Variants in ADGRL2 observed in about 807,000 individuals in gnomAD.
The protein encoded by ADGRL2 is calcium-independent alpha-latrotoxin receptor 2.
ADGRL2 carries 44 observed loss-of-function variants against 157.4 expected under a neutral mutation model. That is an observed-to-expected ratio of 0.28 (90% confidence interval 0.22 to 0.36). ADGRL2 has a LOEUF of 0.36. Ranked by LOEUF, ADGRL2 falls within the 10% of genes least tolerant of loss-of-function variation. The probability of loss-of-function intolerance (pLI) is 1.00; values close to 1 mark genes in which losing one functional copy is unlikely to be tolerated. For missense variants in ADGRL2, 1,510 were observed against 1,768.9 expected (o/e 0.85, Z 2.63); for synonymous variants, 585 against 624.7 (o/e 0.94, Z 0.95).
chr1:81,462,974 G>T (rs536944895), intron 2 of ADGRL2, among the ~76,000 whole-genome samples: 1 of 151,994 alleles, frequency 6.6e-6, no homozygotes, highest in African/African-American at 2.4e-5. Context: ...AATTAGCCCT[G>T]AGGGGTGGTG....
intron 3 of ADGRL2, among the ~76,000 whole-genome samples, chr1:81,591,371 T>C (rs1392139962): frequency 1.3e-5 from 2 of 152,162 alleles, no homozygotes; most frequent in African/African-American, 2.4e-5. Flanking sequence ...GAATTTAGCC[T>C]CCTTTAAAGT....
chr1:81,624,448 G>A (rs1244698364), intron 3 of ADGRL2, among the ~76,000 whole-genome samples: 1 of 152,026 alleles, frequency 6.6e-6, no homozygotes. Context: ...AGGCGTGGTG[G>A]CCCGCGCCTG....
intron 17 of ADGRL2, 134 bp downstream of exon 17, chr1:81,972,052 T>C (rs918057402): frequency 6.7e-6 from 3 of 446,206 alleles, no homozygotes; most frequent in Admixed American, 4.0e-5. Flanking sequence ...CACAGGATAA[T>C]AGTATATTTT....
At chr1:81,583,311 T>C (rs961384654) in intron 3 of ADGRL2, among the ~76,000 whole-genome samples, 1 of 152,214 alleles carries the variant, frequency 6.6e-6, no homozygotes, top group Non-Finnish European at 1.5e-5. Context: ...AAGATCTGAA[T>C]AAAGGTGGTA....
chr1:81,602,803 C>A (rs572443705), intron 3 of ADGRL2, among the ~76,000 whole-genome samples: 1 of 148,676 alleles, frequency 6.7e-6, no homozygotes, highest in Non-Finnish European at 1.5e-5. Context: ...GGGGCTGAGG[C>A]TTGAGAATTG....
At chr1:81,734,210 G>C (rs536578817) in intron 1 of ADGRL2, among the ~76,000 whole-genome samples, 27 of 149,518 alleles carry the variant, frequency 1.8e-4, no homozygotes, top group African/African-American at 6.4e-4. Context: ...CGGGGAGGTG[G>C]AGGTTGCAAT....
chr1:81,874,623 T>G (rs1310195455), intron 2 of ADGRL2, among the ~76,000 whole-genome samples: 1 of 109,920 alleles, frequency 9.1e-6, no homozygotes, highest in Non-Finnish European at 1.9e-5. Context: ...TCTTGTCTTG[T>G]CTTGTCTTGT....
chr1:81,939,902 A>G (rs1268743814), intron 4 of ADGRL2, among the ~76,000 whole-genome samples: 1 of 151,384 alleles, frequency 6.6e-6, no homozygotes, highest in East Asian at 1.9e-4. Context: ...TGATTCATTA[A>G]TCATCAAAGG....
At chr1:81,599,189 C>T (rs1392395945) in intron 3 of ADGRL2, among the ~76,000 whole-genome samples, 1 of 152,166 alleles carries the variant, frequency 6.6e-6, no homozygotes, top group Admixed American at 6.5e-5. Flanking sequence ...CCAAGTATGC[C>T]TTTCTGTCCT....
chr1:81,869,669 T>A (rs562109364), intron 2 of ADGRL2, among the ~76,000 whole-genome samples: 6 of 152,134 alleles, frequency 3.9e-5, no homozygotes, highest in South Asian at 4.2e-4. Flanking sequence ...TGAATGTCAG[T>A]CACATTGATC....
chr1:81,606,773 T>C (rs58623015), intron 3 of ADGRL2, among the ~76,000 whole-genome samples: 35,245 of 115,634 alleles, frequency 0.3, 4,343 homozygotes, highest in East Asian at 0.5. Flanking sequence ...TGTGTGTGTG[T>C]GCGCACGCGT....
chr1:81,552,605 GAAAA>G (rs35795177), intron 2 of ADGRL2, among the ~76,000 whole-genome samples: 5 of 103,980 alleles, frequency 4.8e-5, no homozygotes, highest in African/African-American at 1.1e-4. Context: ...ACTTTACTTA[GAAAA>G]AAAAAAAAAA....
chr1:81,969,042 C>A, intron 14 of ADGRL2, 136 bp from the exon 15 acceptor site: 1 of 642,412 alleles, frequency 1.6e-6, no homozygotes, highest in Non-Finnish European at 2.7e-6. Flanking sequence ...TGGTATTGAG[C>A]CTTTTTTGAA....
At chr1:81,376,845 G>A (rs890169616) in intron 1 of ADGRL2, among the ~76,000 whole-genome samples, 1 of 152,148 alleles carries the variant, frequency 6.6e-6, no homozygotes, top group Non-Finnish European at 1.5e-5. Context: ...AACACTAACA[G>A]CAGAGTGCAT....
chr1:81,640,000 AT>A (rs35392769), intron 3 of ADGRL2, among the ~76,000 whole-genome samples: 2 of 152,166 alleles, frequency 1.3e-5, no homozygotes, highest in Non-Finnish European at 2.9e-5. Context: ...TGGTCATTTG[AT>A]TTTAGTTGAT....
intron 2 of ADGRL2, among the ~76,000 whole-genome samples, chr1:81,851,992 T>A (rs1487893463): frequency 6.6e-6 from 1 of 151,966 alleles, no homozygotes; most frequent in South Asian, 2.1e-4. Context: ...AATTATTATA[T>A]TCTGTACAAT....
chr1:81,552,133 TC>T (rs1286324796), intron 2 of ADGRL2, among the ~76,000 whole-genome samples: 1 of 152,176 alleles, frequency 6.6e-6, no homozygotes, highest in Non-Finnish European at 1.5e-5. Context: ...AGGTTCAAAT[TC>T]CTCTGTTCAC....
At chr1:81,938,930 A>G (rs1572239986) in intron 4 of ADGRL2, among the ~76,000 whole-genome samples, 1 of 151,212 alleles carries the variant, frequency 6.6e-6, no homozygotes. Context: ...TCCTTGATTT[A>G]GTAGTGTTTT....
intron 2 of ADGRL2, among the ~76,000 whole-genome samples, chr1:81,539,429 C>T (rs945246432): frequency 2.6e-5 from 4 of 152,172 alleles, no homozygotes; most frequent in Non-Finnish European, 4.4e-5. Flanking sequence ...ATAACAATAT[C>T]ATCAAACATT....
Sources: allele counts gnomAD v4.1 joint callset (sites outside exome capture counted in the v4.1 genomes callset), GRCh38; gene constraint gnomAD v4.1.1; transcripts MANE v1.5; gene names NCBI Gene and HGNC (gene_info 2026-07-23, HGNC 2026-07-21).